The following DLG5 variants were observed in gnomAD, a reference collection of about 807,000 sequenced individuals.
DLG5 encodes the protein disks large homolog 5.
DLG5 carries 48 observed loss-of-function variants against 189.8 expected under a neutral mutation model. The observed-to-expected ratio is 0.25, with a 90% CI of 0.20 to 0.32. The LOEUF is 0.32. DLG5 is among the 10% of genes least tolerant of loss of function. DLG5 has a pLI of 1.00. For missense variants in DLG5, 2,160 were observed against 2,544.7 expected (o/e 0.85, Z 3.25); for synonymous variants, 1,016 against 1,054.1 (o/e 0.96, Z 0.70).
intron 8 of DLG5, among the ~76,000 whole-genome samples, chr10:77,835,129 T>C (rs1406105051): frequency 6.6e-6 from 1 of 152,024 alleles, no homozygotes; most frequent in Non-Finnish European, 1.5e-5. Flanking sequence ...CTTGCCCACG[T>C]CCCTGCCCTG....
chr10:77,805,525 C>G, intron 27 of DLG5, 140 bp downstream of exon 27: 1 of 974,816 alleles, frequency 1.0e-6, no homozygotes, highest in Non-Finnish European at 1.5e-6. Context: ...CACCCCCCGA[C>G]CAAGCCGAAC....
At chr10:77,820,787 G>T (rs757244554) in intron 15 of DLG5, 16 of 435,206 alleles carry the variant, frequency 3.7e-5, no homozygotes, top group Non-Finnish European at 6.5e-5. Flanking sequence ...TTCAAGGCAA[G>T]TCTATGCCCT....
chr10:77,797,470 A>G (rs1603641070), intron 27 of DLG5, among the ~76,000 whole-genome samples: 3 of 152,348 alleles, frequency 2.0e-5, no homozygotes, highest in East Asian at 3.9e-4. Context: ...CATGAACAGC[A>G]AGAGAGCACG....
Position 77,812,234 on chromosome 10 carries a change from T to A in DLG5, c.4169A>T (p.Tyr1390Phe), listed in dbSNP as rs1010337408. 3.1e-6 allele frequency: 5 copies of A among 1,613,560 alleles called. No homozygotes were observed. The East Asian group carries it at 8.9e-5, about 29-fold the overall frequency. Residue 1390 changes from tyrosine (Y) to phenylalanine (F), a missense_variant, in exon 21 of 32, where the codon TAT becomes TTT. Transcript: ENST00000372391. ...GSIAHQAGLE[Y>F]GDQLLEFNGI... ...TCTCACCTCCAGTAACTGATCCCCA[T>A]ACTCGAGGCCAGCCTGGTGAGCGAT...
intron 13 of DLG5, chr10:77,824,739 G>A (rs544659348): frequency 9.5e-6 from 4 of 420,264 alleles, no homozygotes; most frequent in Non-Finnish European, 1.7e-5. Context: ...CGAGGACCCG[G>A]AGGGAACATC....
intron 1 of DLG5, among the ~76,000 whole-genome samples, chr10:77,872,607 C>A (rs1844944989): frequency 6.6e-6 from 1 of 152,146 alleles, no homozygotes; most frequent in Non-Finnish European, 1.5e-5. Context: ...GGAAAAAAGG[C>A]CCAAAGACGA....
At chr10:77,838,426 T>C (rs1272342081) in intron 7 of DLG5, among the ~76,000 whole-genome samples, 1 of 151,938 alleles carries the variant, frequency 6.6e-6, no homozygotes, top group Admixed American at 6.5e-5. Context: ...AGGGCGGCCT[T>C]AGGGGAGCTC....
At chr10:77,870,072 C>T (rs958817271) in intron 1 of DLG5, among the ~76,000 whole-genome samples, 1 of 147,958 alleles carries the variant, frequency 6.8e-6, no homozygotes, top group Non-Finnish European at 1.5e-5. Flanking sequence ...ACAGAAGGTA[C>T]ACTTTGCTCA....
intron 1 of DLG5, among the ~76,000 whole-genome samples, chr10:77,899,142 T>A (rs910639812): frequency 1.3e-5 from 2 of 152,192 alleles, no homozygotes; most frequent in Non-Finnish European, 2.9e-5. Flanking sequence ...GCATGTAACC[T>A]ATCTCCCTAG....
intron 6 of DLG5, among the ~76,000 whole-genome samples, chr10:77,842,810 G>A (rs1008365867): frequency 6.6e-6 from 1 of 152,196 alleles, no homozygotes; most frequent in Non-Finnish European, 1.5e-5. Flanking sequence ...GCCCCCTCTT[G>A]GAGAGTCTGT....
At chr10:77,916,786 G>C (rs1846369880) in intron 1 of DLG5, among the ~76,000 whole-genome samples, 1 of 151,714 alleles carries the variant, frequency 6.6e-6, no homozygotes, top group Non-Finnish European at 1.5e-5. Flanking sequence ...AGAGAAAGCA[G>C]GGACTCGAAG....
At chr10:77,806,716 C>T (rs1168724369) in intron 26 of DLG5, 42 bp downstream of exon 26, 14 of 1,368,304 alleles carry the variant, frequency 1.0e-5, no homozygotes, top group South Asian at 3.6e-5. Context: ...TGGCCCTCGG[C>T]GACCCCTGCC....
rs202124498 is a variant in DLG5 at position 77,816,616 on chromosome 10, G to A, written c.3960C>T (p.Thr1320=). 4 of 1,614,216 alleles carry A rather than the reference G, an allele frequency of 2.5e-6. No homozygotes were observed. In the East Asian group the frequency reaches 8.9e-5, roughly 36 times the overall value. ...DTLSSCSQSQ[T]SASTLPRIAV... is the part of the protein sequence containing the mutation. ...CGATTCTGGGCAATGTGGAGGCTGA[G>A]GTCTGGGACTGGCTACAAGAGGACA... The change falls in exon 20 of 32, where the codon ACC becomes ACT. Residue 1320 remains threonine, a synonymous_variant. Transcript: ENST00000372391.
chr10:77,811,788 G>T (rs143013116), intron 22 of DLG5, 136 bp downstream of exon 22: 16 of 1,296,380 alleles, frequency 1.2e-5, no homozygotes, highest in East Asian at 2.6e-5. Flanking sequence ...TCCAGGGCTG[G>T]TCAACTCTCT....
chr10:77,821,040 T>C, intron 15 of DLG5, 42 bp downstream of exon 15: 1 of 1,552,344 alleles, frequency 6.4e-7, no homozygotes, highest in Admixed American at 1.9e-5. Flanking sequence ...CAACTGCCCC[T>C]CTCTAGGCCT....
chr10:77,800,465 C>A (rs1393844351), intron 27 of DLG5, among the ~76,000 whole-genome samples: 2 of 151,528 alleles, frequency 1.3e-5, no homozygotes, highest in Non-Finnish European at 2.9e-5. Flanking sequence ...AGAGGGCCGC[C>A]GCTGAGGGGC....
intron 1 of DLG5, among the ~76,000 whole-genome samples, chr10:77,879,128 T>C (rs1050888056): frequency 2.0e-5 from 3 of 152,018 alleles, no homozygotes; most frequent in African/African-American, 7.2e-5. Context: ...CAGAGTTAAA[T>C]GGTAGGTGGT....
chr10:77,836,542 A>C (rs1193009237), intron 7 of DLG5, among the ~76,000 whole-genome samples: 1 of 152,160 alleles, frequency 6.6e-6, no homozygotes, highest in African/African-American at 2.4e-5. Flanking sequence ...GCACAGGAAG[A>C]AAGCTTCCGT....
At chr10:77,853,210 C>T in intron 5 of DLG5, 144 bp downstream of exon 5, 1 of 654,772 alleles carries the variant, frequency 1.5e-6, no homozygotes, top group Non-Finnish European at 2.2e-6. Flanking sequence ...CTCAAGCAAT[C>T]TCTCACCTTG....
Sources: allele counts gnomAD v4.1 joint callset (sites outside exome capture counted in the v4.1 genomes callset), GRCh38; gene constraint gnomAD v4.1.1; transcripts MANE v1.5; gene names NCBI Gene and HGNC (gene_info 2026-07-23, HGNC 2026-07-21).